HECW2: variants seen among roughly 807,000 people sequenced by gnomAD.
The protein encoded by HECW2 is E3 ubiquitin-protein ligase HECW2.
Under a neutral mutation model 175.2 loss-of-function variants are expected in HECW2, and 61 were observed. That is an observed-to-expected ratio of 0.35 (90% CI 0.28 to 0.43). The LOEUF (loss-of-function observed/expected upper bound fraction) is 0.43. HECW2 is among the 20% of genes least tolerant of loss of function. The pLI is 1.00. For missense variants in HECW2, 1,524 were observed against 2,000.5 expected (o/e 0.76, Z 4.54); for synonymous variants, 671 against 731.0 (o/e 0.92, Z 1.32).
At chr2:196,202,758 G>A (rs10184701) in intron 28 of HECW2, among the ~76,000 whole-genome samples, 52 of 152,262 alleles carry the variant, frequency 3.4e-4, no homozygotes, top group African/African-American at 1.3e-3. Context: ...ATGTGAACAG[G>A]ATCTGTTATA....
intron 1 of HECW2, among the ~76,000 whole-genome samples, chr2:196,556,662 A>G (rs932322631): frequency 3.3e-5 from 5 of 152,220 alleles, no homozygotes; most frequent in African/African-American, 9.6e-5. Context: ...GCCCTGCCAT[A>G]TAAGAGACAT....
chr2:196,543,964 C>G (rs1267858071), intron 1 of HECW2, among the ~76,000 whole-genome samples: 2 of 152,190 alleles, frequency 1.3e-5, no homozygotes, highest in African/African-American at 2.4e-5. Context: ...TCTAGAAAGC[C>G]TTAGGCAGCA....
intron 28 of HECW2, among the ~76,000 whole-genome samples, chr2:196,208,685 G>A (rs1162607510): frequency 1.3e-5 from 2 of 152,206 alleles, no homozygotes; most frequent in South Asian, 4.1e-4. Flanking sequence ...CAGCAGATAA[G>A]TGTTATAGGC....
intron 10 of HECW2, among the ~76,000 whole-genome samples, chr2:196,313,118 T>A (rs1306837014): frequency 6.6e-6 from 1 of 152,108 alleles, no homozygotes; most frequent in Non-Finnish European, 1.5e-5. Context: ...AAACTACCAT[T>A]TTGGGGGAAA....
At chr2:196,508,454 G>A (rs899348139) in intron 1 of HECW2, among the ~76,000 whole-genome samples, 1 of 152,222 alleles carries the variant, frequency 6.6e-6, no homozygotes, top group Non-Finnish European at 1.5e-5. Flanking sequence ...CTGGATGCTC[G>A]CTGAAGCTGA....
At chr2:196,463,911 T>C (rs1575573372) in intron 1 of HECW2, among the ~76,000 whole-genome samples, 1 of 152,212 alleles carries the variant, frequency 6.6e-6, no homozygotes, top group African/African-American at 2.4e-5. Flanking sequence ...GAAAGCTTCA[T>C]ACAAAGGAAC....
chr2:196,340,595 C>CAAAAAAAAAAAAAAAA (rs3082071), intron 3 of HECW2, among the ~76,000 whole-genome samples: 1 of 66,914 alleles, frequency 1.5e-5, no homozygotes, highest in African/African-American at 6.2e-5. Context: ...GACTCCGTCT[C>CAAAAAAAAAAAAAAAA]AAAAAAAAAA....
rs926549064 is a variant in HECW2 at position 196,203,008 on chromosome 2, C to T, written c.4608-1620G>A. On this transcript the variant is annotated intron_variant, in intron 28 of 28. Coordinates refer to ENST00000644978, the MANE Select transcript of HECW2 (RefSeq NM_001348768.2). ...GGTTCATGAAACAAAGTTTTGACCG[C>T]GTTTTTGACTGCACCCTGTCATATG... 1.2e-4 allele frequency among the ~76,000 whole-genome samples: 18 copies of T among 152,180 alleles called. No individual in the cohort carries two copies. In the South Asian group the frequency reaches 1.9e-3, roughly 16 times the overall value.
intron 20 of HECW2, among the ~76,000 whole-genome samples, chr2:196,241,013 G>A (rs199672321): frequency 2.0e-5 from 3 of 150,788 alleles, no homozygotes; most frequent in Non-Finnish European, 3.0e-5. Context: ...GAACAAAGAG[G>A]AAAAAAAAAA....
intron 2 of HECW2, among the ~76,000 whole-genome samples, chr2:196,379,381 T>A (rs1694138931): frequency 6.6e-6 from 1 of 152,100 alleles, no homozygotes; most frequent in Non-Finnish European, 1.5e-5. Flanking sequence ...CATTACACAG[T>A]ACACTTAAGA....
At chr2:196,309,083 G>A (rs554403563) in intron 10 of HECW2, among the ~76,000 whole-genome samples, 212 of 152,242 alleles carry the variant, frequency 1.4e-3, no homozygotes, top group African/African-American at 4.8e-3. Flanking sequence ...CAGACACAGT[G>A]GGGCTAATCC....
Position 196,486,951 on chromosome 2 carries a change from T to C in HECW2, c.-35-53493A>G, listed in dbSNP as rs140175249. Among the ~76,000 whole-genome samples the C allele has an allele frequency of 3.2e-3, 484 of 151,974 alleles. 5 individuals are homozygous for C. The highest frequency in any genetic ancestry group is 0.011 in the African/African-American group (446 of 41,470). ...GAGATTAAGACCAGCCTGGGCAACA[T>C]AGTGAGACGCTGTCACTACAAAAAA... On this transcript the variant is annotated intron_variant, in intron 1 of 28. Transcript: ENST00000644978.
At chr2:196,516,486 T>C (rs76493805) in intron 1 of HECW2, among the ~76,000 whole-genome samples, 1,617 of 152,352 alleles carry the variant, frequency 0.011, 80 homozygotes, top group Admixed American at 0.083. Flanking sequence ...TTATTCGTAT[T>C]ATATAATGAA....
chr2:196,212,396 T>C (rs1354805227), intron 28 of HECW2, among the ~76,000 whole-genome samples: 1 of 152,152 alleles, frequency 6.6e-6, no homozygotes, highest in Non-Finnish European at 1.5e-5. Flanking sequence ...TTCCCCTCTA[T>C]GTGTCCTTGT....
At chr2:196,257,703 A>G in intron 18 of HECW2, 120 bp downstream of exon 18, 1 of 688,074 alleles carries the variant, frequency 1.5e-6, no homozygotes, top group Non-Finnish European at 2.5e-6. Flanking sequence ...ATATTTCCAC[A>G]AGTCTAAAGA....
At chr2:196,215,291 C>T (rs1164661676) in intron 28 of HECW2, among the ~76,000 whole-genome samples, 1 of 152,138 alleles carries the variant, frequency 6.6e-6, no homozygotes, top group Non-Finnish European at 1.5e-5. Context: ...GCATGAACAC[C>T]CAATTATCAC....
intron 1 of HECW2, among the ~76,000 whole-genome samples, chr2:196,554,296 C>A (rs935646757): frequency 2.0e-5 from 3 of 151,508 alleles, no homozygotes; most frequent in Non-Finnish European, 4.4e-5. Flanking sequence ...ACAGCACTCC[C>A]GCCTGGGCGA....
In HECW2 at chr2:196,571,575, G is replaced by C. The variant is rs371032005; in HGVS notation, c.-36+21933C>G. On this transcript the variant is annotated intron_variant, in intron 1 of 28. Transcript: ENST00000644978. ...AATACAAAAATTAGCCGGGTGTGCTGACAGTTACCTGTAATCCCACCTACT... is the reference window on the plus strand; with the variant it reads ...AATACAAAAATTAGCCGGGTGTGCTCACAGTTACCTGTAATCCCACCTACT... Among the ~76,000 whole-genome samples, 72 of 152,184 alleles carry C rather than the reference G, an allele frequency of 4.7e-4. No homozygotes were observed. In the East Asian group the frequency reaches 8.7e-3, roughly 18 times the overall value.
intron 2 of HECW2, among the ~76,000 whole-genome samples, chr2:196,345,215 A>G (rs540133106): frequency 6.7e-4 from 102 of 152,260 alleles, no homozygotes; most frequent in Non-Finnish European, 4.0e-4. Context: ...GCTGATACTT[A>G]GATGGTACTC....
Sources: gnomAD v4.1 joint callset for allele counts (sites outside exome capture counted in the v4.1 genomes callset) on GRCh38, gnomAD v4.1.1 for gene constraint, MANE v1.5 for transcripts, NCBI Gene and HGNC (gene_info 2026-07-23, HGNC 2026-07-21) for gene names.